TUSC3: variants seen among roughly 807,000 people sequenced by gnomAD.
TUSC3 encodes the protein dolichyl-diphosphooligosaccharide--protein glycosyltransferase subunit TUSC3.
In TUSC3, 45 loss-of-function variants were observed where a neutral mutation model predicts 44.8. The ratio of observed to expected loss-of-function variants is 1.00; its 90% CI spans 0.79 to 1.29. TUSC3 has a LOEUF of 1.29. Among genes scored for constraint, TUSC3 ranks in the 50% most tolerant of loss-of-function variants. The pLI, the probability that TUSC3 is intolerant of heterozygous loss-of-function variation, is 0.00. For missense variants in TUSC3, 519 were observed against 437.9 expected (o/e 1.19, Z -1.65); for synonymous variants, 212 against 152.9 (o/e 1.39, Z -2.85).
intron 2 of TUSC3, among the ~76,000 whole-genome samples, chr8:15,627,207 G>T (rs549729948): frequency 6.8e-4 from 103 of 152,248 alleles, no homozygotes; most frequent in African/African-American, 2.4e-3. Context: ...AGGAGACAAT[G>T]GTAGGACCAG....
At chr8:15,775,647 T>A in the TUSC3 span, among the ~76,000 whole-genome samples, 1 of 113,220 alleles carries the variant, frequency 8.8e-6, no homozygotes, top group African/African-American at 3.1e-5. Flanking sequence ...TATATATATA[T>A]ATACACACAC....
chr8:15,544,081 G>A (rs1801780996), intron 1 of TUSC3, among the ~76,000 whole-genome samples: 1 of 152,100 alleles, frequency 6.6e-6, no homozygotes, highest in Non-Finnish European at 1.5e-5. Context: ...TTGGAAATTT[G>A]TATAGTCACT....
intron 1 of TUSC3, among the ~76,000 whole-genome samples, chr8:15,575,230 A>G (rs565778101): frequency 1.3e-5 from 2 of 152,214 alleles, no homozygotes; most frequent in East Asian, 1.9e-4. Context: ...GATTTTGTGT[A>G]CTTGATTTTT....
At chr8:15,594,420 T>C (rs1025349088) in intron 1 of TUSC3, among the ~76,000 whole-genome samples, 4 of 152,166 alleles carry the variant, frequency 2.6e-5, no homozygotes, top group African/African-American at 9.7e-5. Context: ...ATTTTCCTGC[T>C]TTTTTGCATG....
chr8:15,589,481 T>C (rs1473645792), intron 1 of TUSC3, among the ~76,000 whole-genome samples: 1 of 152,162 alleles, frequency 6.6e-6, no homozygotes, highest in Non-Finnish European at 1.5e-5. Flanking sequence ...AGGAAAAGTA[T>C]AGTATAAAGA....
chr8:15,462,155 A>G (rs558695629), intron 1 of TUSC3, among the ~76,000 whole-genome samples: 1 of 152,234 alleles, frequency 6.6e-6, no homozygotes, highest in East Asian at 1.9e-4. Flanking sequence ...AAGCTTCATA[A>G]TAATAACTTT....
At chr8:15,629,510 G>A (rs1050681588) in intron 2 of TUSC3, among the ~76,000 whole-genome samples, 4 of 149,392 alleles carry the variant, frequency 2.7e-5, no homozygotes, top group Admixed American at 6.7e-5. Context: ...AGAGGGAGTT[G>A]TAGATGCACT....
the TUSC3 span, among the ~76,000 whole-genome samples, chr8:15,820,906 G>A: frequency 2.0e-5 from 3 of 152,100 alleles, no homozygotes; most frequent in Non-Finnish European, 2.9e-5. Flanking sequence ...GTATGTAGAT[G>A]TAATAGATAA....
intron 1 of TUSC3, among the ~76,000 whole-genome samples, chr8:15,482,432 G>T (rs10087154): frequency 0.51 from 77,077 of 152,052 alleles, 20,526 homozygotes; most frequent in African/African-American, 0.67. Flanking sequence ...CAGCTATAGC[G>T]TTATGAATGA....
intron 2 of TUSC3, among the ~76,000 whole-genome samples, chr8:15,624,085 G>T (rs1805381638): frequency 6.6e-6 from 1 of 152,054 alleles, no homozygotes; most frequent in East Asian, 1.9e-4. Context: ...TGACCTTTTG[G>T]GTTTGGCTTT....
At chr8:15,631,387 C>G (rs1413023068) in intron 2 of TUSC3, among the ~76,000 whole-genome samples, 1 of 152,070 alleles carries the variant, frequency 6.6e-6, no homozygotes, top group African/African-American at 2.4e-5. Flanking sequence ...TCCTTGAATT[C>G]TTTTCTATAT....
chr8:15,529,154 A>G (rs919847239), intron 2 of TUSC3, among the ~76,000 whole-genome samples: 2 of 152,212 alleles, frequency 1.3e-5, no homozygotes, highest in Non-Finnish European at 2.9e-5. Flanking sequence ...CGAAGCACAA[A>G]CACAAGTTCT....
chr8:15,442,165 T>G (rs1381722525), intron 1 of TUSC3, among the ~76,000 whole-genome samples: 2 of 152,114 alleles, frequency 1.3e-5, no homozygotes, highest in Non-Finnish European at 2.9e-5. Flanking sequence ...TCTTATTACT[T>G]CTTTGTCAAA....
At chr8:15,703,220 A>G (rs1327205011) in intron 6 of TUSC3, among the ~76,000 whole-genome samples, 1 of 152,180 alleles carries the variant, frequency 6.6e-6, no homozygotes, top group African/African-American at 2.4e-5. Context: ...GGACATTAGT[A>G]TAGGTATAAA....
At chr8:15,611,772 C>G (rs1197739978) in intron 1 of TUSC3, among the ~76,000 whole-genome samples, 5 of 151,994 alleles carry the variant, frequency 3.3e-5, no homozygotes, top group Admixed American at 1.3e-4. Flanking sequence ...AGTGCTTAAT[C>G]TCTGATTTTT....
At chr8:15,490,273 G>T (rs1800789637) in intron 2 of TUSC3, among the ~76,000 whole-genome samples, 2 of 152,198 alleles carry the variant, frequency 1.3e-5, no homozygotes, top group African/African-American at 4.8e-5. Flanking sequence ...GAGGGCAGGA[G>T]ACAGAGTCAC....
At chr8:15,534,643 T>TTAA (rs1554510419) in intron 2 of TUSC3, among the ~76,000 whole-genome samples, 26 of 129,858 alleles carry the variant, frequency 2.0e-4, no homozygotes, top group Non-Finnish European at 2.9e-4. Flanking sequence ...ACTCGGTCTT[T>TTAA]AAAAAAAAAA....
chr8:15,851,639 C>T, the TUSC3 span, among the ~76,000 whole-genome samples: 4 of 152,188 alleles, frequency 2.6e-5, no homozygotes, highest in Non-Finnish European at 2.9e-5. Flanking sequence ...GAGATTCTAA[C>T]GATGGTCCTC....
rs1221693903 is a variant in TUSC3 at position 15,446,505 on chromosome 8, C to T, written n.91+29200C>T. ...CCTCAGGAGGCCCAGGCGGGCAGAT[C>T]ACTCATGGTCAGGAGCTGGAGACCA... On this transcript the variant is annotated intron_variant and non_coding_transcript_variant, in intron 1 of 5. Coordinates refer to the TUSC3 transcript ENST00000503191. Among the ~76,000 whole-genome samples, 4 of 152,064 alleles carry T rather than the reference C, an allele frequency of 2.6e-5. No individual in the cohort carries two copies. The East Asian group carries it at 7.8e-4, about 29-fold the overall frequency.
Sources: gnomAD v4.1 joint callset for allele counts (sites outside exome capture counted in the v4.1 genomes callset) on GRCh38, gnomAD v4.1.1 for gene constraint, MANE v1.5 for transcripts, NCBI Gene and HGNC (gene_info 2026-07-23, HGNC 2026-07-21) for gene names.